The following MTCL1 variants were observed in gnomAD, a reference collection of about 807,000 sequenced individuals.
MTCL1 encodes the protein microtubule crosslinking factor 1.
Under a neutral mutation model 141.4 loss-of-function variants are expected in MTCL1, and 79 were observed. The observed-to-expected ratio is 0.56, with a 90% CI of 0.47 to 0.67. MTCL1 has a LOEUF of 0.67. Among genes scored for constraint, MTCL1 ranks in the 30% least tolerant of loss-of-function variants. The pLI is 0.00. For synonymous variants in MTCL1, 914 were observed against 875.8 expected (o/e 1.04, Z -0.77); for missense variants, 2,177 against 2,113.9 (o/e 1.03, Z -0.59).
chr18:8,784,952 C>G, intron 6 of MTCL1, 109 bp downstream of exon 5: 1 of 1,026,164 alleles, frequency 9.7e-7, no homozygotes. Flanking sequence ...GTTATGATTT[C>G]AAACCTGCAT....
intron 4 of MTCL1, among the ~76,000 whole-genome samples, chr18:8,775,944 C>G (rs2096506144): frequency 1.3e-5 from 2 of 152,180 alleles, no homozygotes; most frequent in Admixed American, 1.3e-4. Context: ...TGTTTCTTAA[C>G]CTAGGATTCT....
chr18:8,767,708 C>T (rs141663858), intron 4 of MTCL1, among the ~76,000 whole-genome samples: 131 of 151,436 alleles, frequency 8.7e-4, no homozygotes, highest in African/African-American at 2.9e-3. Flanking sequence ...GTTTGCATTA[C>T]GCTAGGTCAA....
intron 7 of MTCL1, 90 bp downstream of exon 6, chr18:8,786,181 C>A: frequency 1.4e-6 from 2 of 1,387,742 alleles, no homozygotes; most frequent in Non-Finnish European, 2.0e-6. Flanking sequence ...CCGGACGAGG[C>A]CCTGAGGGAA....
Position 8,718,477 on chromosome 18 carries a change from A to G in MTCL1, c.27A>G (p.Leu9=), listed in dbSNP as rs754831796. 3.7e-6 allele frequency: 6 copies of G among 1,614,228 alleles called. No homozygotes were observed. In the South Asian group the frequency reaches 5.5e-5, roughly 15 times the overall value. ...TGGAAGAGATGAGAGACAGTTATTT[A>G]GAGGAAGATGTTTACCAGCTGCAGG... Residue 9 remains leucine, a synonymous_variant, in exon 3 of 17, where the codon TTA becomes TTG. Coordinates refer to ENST00000359865, the Ensembl canonical transcript of MTCL1.
At chr18:8,752,791 A>G (rs1015048788) in intron 4 of MTCL1, among the ~76,000 whole-genome samples, 4 of 152,294 alleles carry the variant, frequency 2.6e-5, no homozygotes, top group Admixed American at 2.0e-4. Context: ...TGCGTAGGCT[A>G]TTTCTACAAA....
chr18:8,706,771 CG>C, intron 1 of MTCL1, 58 bp downstream of exon 1: 1 of 1,534,528 alleles, frequency 6.5e-7, no homozygotes. Context: ...CTGGCTGCGG[CG>C]GGGACCCGCC....
At chr18:8,792,731 G>A (rs2075777713) in intron 7 of MTCL1, among the ~76,000 whole-genome samples, 1 of 152,160 alleles carries the variant, frequency 6.6e-6, no homozygotes, top group African/African-American at 2.4e-5. Flanking sequence ...CTGGTTTGTG[G>A]TTATGGTGGT....
At chr18:8,820,153 T>C (rs1055022387) in intron 13 of MTCL1, among the ~76,000 whole-genome samples, 4 of 152,088 alleles carry the variant, frequency 2.6e-5, no homozygotes, top group African/African-American at 7.2e-5. Context: ...CTCATGCCTG[T>C]AATCCCAGCA....
upstream of MTCL1, chr18:8,705,616 C>T: frequency 8.2e-7 from 1 of 1,213,996 alleles, no homozygotes; most frequent in East Asian, 3.4e-5. This position sits in a 1 kb window ranked among gnomAD's most constrained non-coding sequence, Gnocchi z 5.2. Flanking sequence ...CCGCCGTCGT[C>T]GTCCGGAGCA....
intron 5 of MTCL1, among the ~76,000 whole-genome samples, chr18:8,780,149 CA>C (rs1286430529): frequency 4.6e-5 from 7 of 152,232 alleles, no homozygotes; most frequent in Non-Finnish European, 1.0e-4. Context: ...GGAAGACCCC[CA>C]GGGGTTGGTC....
chr18:8,762,682 A>T (rs961376750), intron 4 of MTCL1, among the ~76,000 whole-genome samples: 2 of 152,196 alleles, frequency 1.3e-5, no homozygotes, highest in Admixed American at 6.5e-5. Flanking sequence ...TGGCAACAGG[A>T]GTGATCACAC....
intron 4 of MTCL1, among the ~76,000 whole-genome samples, chr18:8,757,776 A>G (rs1003851241): frequency 6.6e-6 from 1 of 152,190 alleles, no homozygotes; most frequent in African/African-American, 2.4e-5. Flanking sequence ...TGAAAGCAAT[A>G]GGTTTTTACT....
exon 6 of MTCL1, chr18:8,784,500 G>A (rs752054289): frequency 1.0e-5 from 16 of 1,591,322 alleles, no homozygotes; most frequent in Admixed American, 5.1e-5. Context: ...GAGGCCCAGC[G>A]GCTAGAGCGG....
At chr18:8,732,644 C>G (rs1255372923) in intron 4 of MTCL1, among the ~76,000 whole-genome samples, 1 of 152,132 alleles carries the variant, frequency 6.6e-6, no homozygotes, top group Non-Finnish European at 1.5e-5. Flanking sequence ...CGCCGAGTCA[C>G]CCATACATAG....
exon 13 of MTCL1, chr18:8,819,232 G>A (rs750243650): frequency 6.2e-7 from 1 of 1,614,100 alleles, no homozygotes; most frequent in East Asian, 2.2e-5. Context: ...ACAGGCCCGA[G>A]AGGGAGTTCA....
At chr18:8,786,237 A>C in intron 7 of MTCL1, 146 bp downstream of exon 6, 2 of 955,952 alleles carry the variant, frequency 2.1e-6, no homozygotes, top group Non-Finnish European at 3.2e-6. Flanking sequence ...TTGACAGCAA[A>C]CCCATTTTGT....
chr18:8,765,679 C>G (rs2096456559), intron 4 of MTCL1, among the ~76,000 whole-genome samples: 1 of 152,212 alleles, frequency 6.6e-6, no homozygotes, highest in African/African-American at 2.4e-5. Flanking sequence ...AAGCTTCTCT[C>G]TTCTCTTTTG....
chr18:8,762,219 G>A (rs529230864), intron 4 of MTCL1, among the ~76,000 whole-genome samples: 1 of 152,324 alleles, frequency 6.6e-6, no homozygotes, highest in South Asian at 2.1e-4. Flanking sequence ...GATTTTCCAA[G>A]AGAAGTTTCA....
chr18:8,768,982 A>T (rs1416051732), intron 4 of MTCL1, among the ~76,000 whole-genome samples: 1 of 151,892 alleles, frequency 6.6e-6, no homozygotes, highest in East Asian at 1.9e-4. Context: ...TTTAGTAGAG[A>T]TGGGGTTTCA....
Sources: gnomAD v4.1 joint callset for allele counts (sites outside exome capture counted in the v4.1 genomes callset) on GRCh38, gnomAD v4.1.1 for gene constraint, Gnocchi (gnomAD v3.1) non-coding constraint, MANE v1.5 for transcripts, NCBI Gene and HGNC (gene_info 2026-07-23, HGNC 2026-07-21) for gene names.